The following ARHGEF18 variants were observed in gnomAD, a reference collection of about 807,000 sequenced individuals.
ARHGEF18 encodes Rho/Rac guanine nucleotide exchange factor 18.
A neutral mutation model predicts 155.7 loss-of-function variants in ARHGEF18; 93 were observed. That is an observed-to-expected ratio of 0.60 (90% CI 0.50 to 0.71). The LOEUF is 0.71. Among genes scored for constraint, ARHGEF18 ranks in the 30% least tolerant of loss-of-function variants. The pLI, the probability that ARHGEF18 is intolerant of heterozygous loss-of-function variation, is 0.00. For synonymous variants in ARHGEF18, 742 were observed against 753.1 expected, an observed-to-expected ratio of 0.99 and a Z score of 0.24; for missense variants, 1,593 against 1,816.1, an observed-to-expected ratio of 0.88 and a Z score of 2.23.
chr19:7,350,682 C>T (rs1163554676), intron 1 of ARHGEF18, among the ~76,000 whole-genome samples: 1 of 152,024 alleles, frequency 6.6e-6, no homozygotes, highest in African/African-American at 2.4e-5. Flanking sequence ...GTTCCCTGGC[C>T]TCTATGTGGC....
chr19:7,375,727 C>G lies in ARHGEF18; in HGVS notation c.283C>G (p.Leu95Val). The G allele has an allele frequency of 8.1e-7, 1 of 1,234,454 alleles. No homozygotes were observed. The highest frequency in any genetic ancestry group is 3.2e-5 in the East Asian group (1 of 31,706). The allele number at this position is 1,234,454 out of a possible 1,614,324, so 76.5% of individuals were successfully genotyped here. Residue 95 changes from leucine to valine, a missense_variant, in exon 4 of 29, where the codon CTC (leucine) becomes GTC (valine). Physicochemically the swap from Leu to Val is conservative, Grantham distance 32. Coordinates refer to ENST00000668164, the MANE Select transcript of ARHGEF18 (RefSeq NM_001367823.1). ...CCCTGTCTTCTCCACTAGGCTCAGC[C>G]TCGATGCCTCAGCTGTGGATGAGGA... is the stretch of plus-strand genomic sequence containing the variant. ...SCSESWRRLS[L>V]DASAVDEEPC...
chr19:7,452,312 C>T (rs1472271477), intron 16 of ARHGEF18, among the ~76,000 whole-genome samples: 1 of 152,188 alleles, frequency 6.6e-6, no homozygotes, highest in African/African-American at 2.4e-5. Context: ...GTTCTGGCAG[C>T]CAGGGCCGTG....
chr19:7,356,900 C>A (rs1343607480), intron 1 of ARHGEF18, among the ~76,000 whole-genome samples: 2 of 152,314 alleles, frequency 1.3e-5, no homozygotes, highest in Admixed American at 6.5e-5. Flanking sequence ...ATTCCACTGA[C>A]CCTCCTTGAA....
At chr19:7,375,983 C>A (rs190787706) in intron 4 of ARHGEF18, 113 bp downstream of exon 4, 1 of 1,160,336 alleles carries the variant, frequency 8.6e-7, no homozygotes, top group Non-Finnish European at 1.1e-6. Context: ...CCCACCATGG[C>A]AGGGTGGAGG....
In ARHGEF18 at chr19:7,462,894, T is replaced by G. The variant is rs945061330; in HGVS notation, c.2635+560T>G. ...CTTTGTCACCCAGGCTGGAGTGCAG[T>G]GGCGTGATCTCGGCTCACTGCAACC... On this transcript the variant is annotated intron_variant, in intron 21 of 28. Coordinates refer to ENST00000668164, the MANE Select transcript of ARHGEF18 (RefSeq NM_001367823.1). This position sits in a 1 kb window ranked among gnomAD's most constrained non-coding sequence, Gnocchi z 4.4. 1.4e-5 allele frequency among the ~76,000 whole-genome samples: 2 copies of G among 146,956 alleles called. No homozygotes were observed. Among genetic ancestry groups the G allele is most frequent in the African/African-American group, 5.1e-5 (2 of 39,286 alleles).
chr19:7,459,286 A>G (rs987974588), intron 19 of ARHGEF18, among the ~76,000 whole-genome samples: 94 of 152,168 alleles, frequency 6.2e-4, no homozygotes, highest in African/African-American at 2.2e-3. Flanking sequence ...CGCTGGCACA[A>G]TCATAGCTTA....
chr19:7,368,015 G>GGAAGGAAGGAAGGA (rs1568270703), intron 2 of ARHGEF18, among the ~76,000 whole-genome samples: 5 of 86,342 alleles, frequency 5.8e-5, no homozygotes, highest in Admixed American at 1.2e-4. Context: ...GGGAGGGAGG[G>GGAAGGAAGGAAGGA]AGGGCGGAAG....
At chr19:7,449,601 G>C (rs1421605792) in intron 15 of ARHGEF18, among the ~76,000 whole-genome samples, 1 of 152,136 alleles carries the variant, frequency 6.6e-6, no homozygotes, top group East Asian at 1.9e-4. Flanking sequence ...GGGTTAGGGG[G>C]TGTGTGTTCA....
rs771226102 is a variant in ARHGEF18, at chr19:7,350,772, GTGT to G, written c.-111+1532_-111+1534del. ...CTGTTGAGTTTTTTGGGGTGGGTGTGTGTGTGTGTGTGTGTGTGTGTGTGTGTG... is the reference window on the plus strand; with the variant it reads ...CTGTTGAGTTTTTTGGGGTGGGTGTGGTGTGTGTGTGTGTGTGTGTGTGTG... On this transcript the variant is annotated intron_variant, in intron 1 of 28. Coordinates refer to ENST00000668164, the MANE Select transcript of ARHGEF18 (RefSeq NM_001367823.1). Among the ~76,000 whole-genome samples, 33 of 27,444 alleles carry G rather than the reference GTGT, an allele frequency of 1.2e-3. 1 individual carries two copies. The highest frequency in any genetic ancestry group is 5.9e-3 in the African/African-American group (31 of 5,280). The allele number at this position is 27,444 out of a possible 152,430, so 18.0% of individuals were successfully genotyped here.
chr19:7,364,358 G>GGAA, intron 2 of ARHGEF18, among the ~76,000 whole-genome samples: 1 of 28,176 alleles, frequency 3.5e-5, no homozygotes, highest in African/African-American at 1.2e-4. Context: ...GAAGGAAGGA[G>GGAA]GGAAGGAAAG....
intron 10 of ARHGEF18, among the ~76,000 whole-genome samples, chr19:7,428,647 C>T (rs745344074): frequency 7.2e-4 from 109 of 152,150 alleles, no homozygotes; most frequent in Non-Finnish European, 1.4e-3. Flanking sequence ...TGGGAGGCTG[C>T]AGCGAGCTAT....
downstream of ARHGEF18, chr19:7,473,189 C>G (rs1411474839): frequency 4.4e-6 from 2 of 456,126 alleles, no homozygotes; most frequent in Admixed American, 2.4e-5. Context: ...GAGTCCCGGT[C>G]CAGTGAGGCG....
chr19:7,415,579 T>C (rs917792046), intron 10 of ARHGEF18, among the ~76,000 whole-genome samples: 2 of 151,792 alleles, frequency 1.3e-5, no homozygotes, highest in African/African-American at 4.8e-5. Context: ...TGGCAGAACC[T>C]CCTGGAATAA....
chr19:7,364,558 G>C (rs1407402371), intron 2 of ARHGEF18, among the ~76,000 whole-genome samples: 1 of 152,102 alleles, frequency 6.6e-6, no homozygotes, highest in Admixed American at 6.5e-5. Flanking sequence ...CTTATGTCAG[G>C]GGCCTGTGGG....
chr19:7,439,285 C>CCG (rs1022231790), intron 10 of ARHGEF18, among the ~76,000 whole-genome samples: 3 of 150,076 alleles, frequency 2.0e-5, no homozygotes, highest in African/African-American at 7.4e-5. Context: ...GTGAGACCCC[C>CCG]CCCCAACCTC....
At chr19:7,474,993 G>A (rs1226907987), downstream of ARHGEF18, among the ~76,000 whole-genome samples, 1 of 152,098 alleles carries the variant, frequency 6.6e-6, no homozygotes, top group Non-Finnish European at 1.5e-5. Context: ...CAGCACTTTG[G>A]GAGGCCGAAG....
intron 1 of ARHGEF18, among the ~76,000 whole-genome samples, chr19:7,362,053 G>A (rs368253985): frequency 0.025 from 1,093 of 44,010 alleles, 72 homozygotes; most frequent in East Asian, 0.11. Flanking sequence ...GAAGGAGAAG[G>A]AGAAGGAGAA....
intron 18 of ARHGEF18, among the ~76,000 whole-genome samples, chr19:7,456,861 C>A (rs925037061): frequency 6.6e-6 from 1 of 152,148 alleles, no homozygotes; most frequent in Admixed American, 6.5e-5. Flanking sequence ...TCCAGGCCCA[C>A]ATAGCTGGGA....
intron 10 of ARHGEF18, among the ~76,000 whole-genome samples, chr19:7,419,348 G>A (rs1185731111): frequency 1.6e-5 from 2 of 126,942 alleles, no homozygotes; most frequent in East Asian, 2.3e-4. Flanking sequence ...CTTGGCCCCC[G>A]CACCCCAGAT....
Sources: gnomAD v4.1 joint callset for allele counts (sites outside exome capture counted in the v4.1 genomes callset) on GRCh38, gnomAD v4.1.1 for gene constraint, Gnocchi (gnomAD v3.1) non-coding constraint, MANE v1.5 for transcripts, NCBI Gene and HGNC (gene_info 2026-07-23, HGNC 2026-07-21) for gene names.